Variants in GRID2 observed in about 807,000 individuals in gnomAD.
The protein encoded by GRID2 is glutamate ionotropic receptor delta type subunit 2.
A neutral mutation model predicts 114.8 loss-of-function variants in GRID2; 33 were observed. The observed-to-expected ratio is 0.29, with a 90% CI of 0.22 to 0.38. The LOEUF is 0.38. Among genes scored for constraint, GRID2 ranks in the 10% least tolerant of loss-of-function variants. GRID2 has a pLI of 1.00. For missense variants in GRID2, 1,184 were observed against 1,257.7 expected (o/e 0.94, Z 0.89); for synonymous variants, 505 against 449.9 (o/e 1.12, Z -1.55).
At chr4:93,713,583 C>T (rs1728666039) in intron 14 of GRID2, among the ~76,000 whole-genome samples, 1 of 148,662 alleles carries the variant, frequency 6.7e-6, no homozygotes, top group Non-Finnish European at 1.5e-5. Context: ...TAGGGAGGTA[C>T]ATTACAAAAA....
intron 7 of GRID2, among the ~76,000 whole-genome samples, chr4:93,225,147 G>A (rs1489393075): frequency 6.6e-6 from 1 of 152,156 alleles, no homozygotes; most frequent in Non-Finnish European, 1.5e-5. Context: ...CACTTTTTCA[G>A]TTAGATAATA....
rs151269491 is a variant in GRID2 at position 92,542,682 on chromosome 4, C to T, written c.89-47449C>T. Reference sequence around the variant, plus strand: ...AAGGCTACACATTGGGTACAGGGTACACTGCCCAGGTGATGGGTGAACCAA... The same window carrying T: ...AAGGCTACACATTGGGTACAGGGTATACTGCCCAGGTGATGGGTGAACCAA... On this transcript the variant is annotated intron_variant, in intron 1 of 15. Coordinates refer to ENST00000282020, the MANE Select transcript of GRID2 (RefSeq NM_001510.4). 1.7e-3 allele frequency among the ~76,000 whole-genome samples: 261 copies of T among 151,998 alleles called. 1 individual carries two copies. The highest frequency in any genetic ancestry group is 6.2e-3 in the African/African-American group (256 of 41,452).
intron 1 of GRID2, among the ~76,000 whole-genome samples, chr4:92,336,677 G>A (rs1383509305): frequency 1.3e-5 from 2 of 152,090 alleles, no homozygotes; most frequent in African/African-American, 2.4e-5. Flanking sequence ...GCCTCCATGG[G>A]TCTTAAGATA....
intron 2 of GRID2, among the ~76,000 whole-genome samples, chr4:92,917,785 A>T (rs112118883): frequency 2.6e-4 from 40 of 152,150 alleles, no homozygotes; most frequent in African/African-American, 8.2e-4. Flanking sequence ...AGGTAGCGTG[A>T]TGCCTCCAGC....
At position 92,997,687 on chromosome 4, in the gene GRID2, C is replaced by T. The variant is rs553619388; in HGVS notation, c.245-87308C>T. Among the ~76,000 whole-genome samples, 205 of 152,228 alleles carry T rather than the reference C, an allele frequency of 1.3e-3. 1 individual carries two copies. Among genetic ancestry groups the T allele is most frequent in the African/African-American group, 4.2e-3 (175 of 41,566 alleles). On this transcript the variant is annotated intron_variant, in intron 2 of 15. Coordinates refer to ENST00000282020, the MANE Select transcript of GRID2 (RefSeq NM_001510.4). ...GGAAACACTGAGAAAATAATTTTAT[C>T]GCTCTGATTCTCAGTTTCTTCTTTT...
chr4:92,537,784 G>GGTGTGTGTGTGTGTGTGT (rs70942907), intron 1 of GRID2, among the ~76,000 whole-genome samples: 1 of 125,934 alleles, frequency 7.9e-6, no homozygotes, highest in African/African-American at 2.8e-5. Flanking sequence ...AAAAACTTGC[G>GGTGTGTGTGTGTGTGTGT]GTGTGTGTGT....
intron 2 of GRID2, among the ~76,000 whole-genome samples, chr4:92,610,486 C>A (rs1227901136): frequency 6.6e-6 from 1 of 151,614 alleles, no homozygotes; most frequent in African/African-American, 2.4e-5. Context: ...GTAAGGATAT[C>A]CAATTCTGAG....
chr4:92,455,177 G>T (rs542790353), intron 1 of GRID2, among the ~76,000 whole-genome samples: 1 of 152,168 alleles, frequency 6.6e-6, no homozygotes, highest in South Asian at 2.1e-4. Flanking sequence ...AAATAAAAAG[G>T]ATACTTCTAA....
chr4:92,940,253 T>G (rs1365245761), intron 2 of GRID2, among the ~76,000 whole-genome samples: 4 of 147,036 alleles, frequency 2.7e-5, no homozygotes, highest in African/African-American at 9.7e-5. Context: ...GAGCAGTGAT[T>G]TGTAGTTTTT....
chr4:93,597,671 C>T (rs1430995311), intron 13 of GRID2, among the ~76,000 whole-genome samples: 4 of 152,160 alleles, frequency 2.6e-5, no homozygotes, highest in African/African-American at 9.7e-5. Flanking sequence ...CCCAGAAGTC[C>T]CAAGACACTC....
At chr4:93,627,381 A>T (rs980243501) in intron 14 of GRID2, among the ~76,000 whole-genome samples, 12 of 151,908 alleles carry the variant, frequency 7.9e-5, no homozygotes, top group South Asian at 2.1e-4. Context: ...GTTTTTTTTT[A>T]AAAGAACTAA....
At chr4:93,521,931 A>C (rs1384334345) in intron 13 of GRID2, among the ~76,000 whole-genome samples, 1 of 152,068 alleles carries the variant, frequency 6.6e-6, no homozygotes, top group Non-Finnish European at 1.5e-5. Flanking sequence ...TAATGAGAGG[A>C]GTTTCTGGAG....
At chr4:93,101,341 T>C (rs1350414160) in intron 3 of GRID2, among the ~76,000 whole-genome samples, 1 of 152,086 alleles carries the variant, frequency 6.6e-6, no homozygotes, top group East Asian at 1.9e-4. Context: ...GTCATCCTAC[T>C]GATTTATTGA....
intron 14 of GRID2, among the ~76,000 whole-genome samples, chr4:93,704,969 A>G (rs998099297): frequency 4.6e-5 from 7 of 152,110 alleles, no homozygotes; most frequent in Non-Finnish European, 7.4e-5. Flanking sequence ...GTATATACCT[A>G]GGAGTGGGGT....
chr4:92,829,028 A>G (rs1741921753), intron 2 of GRID2, among the ~76,000 whole-genome samples: 1 of 152,066 alleles, frequency 6.6e-6, no homozygotes. Context: ...ATTAGATCCC[A>G]TTTGTCAATT....
chr4:92,323,210 T>C (rs1726410958), intron 1 of GRID2, among the ~76,000 whole-genome samples: 1 of 152,158 alleles, frequency 6.6e-6, no homozygotes. Flanking sequence ...TTTTATTTTT[T>C]ACAGAACTCT....
chr4:92,373,901 C>T (rs1340641136), intron 1 of GRID2, among the ~76,000 whole-genome samples: 1 of 152,098 alleles, frequency 6.6e-6, no homozygotes, highest in African/African-American at 2.4e-5. Flanking sequence ...AAAGGTCATA[C>T]AGCTAGTAAG....
chr4:93,149,158 C>T (rs891213041), intron 4 of GRID2, among the ~76,000 whole-genome samples: 3 of 152,088 alleles, frequency 2.0e-5, no homozygotes, highest in African/African-American at 7.2e-5. Flanking sequence ...ACAAACACTG[C>T]TTATATAATA....
chr4:92,769,258 A>G (rs1395602909), intron 2 of GRID2, among the ~76,000 whole-genome samples: 1 of 152,174 alleles, frequency 6.6e-6, no homozygotes, highest in Non-Finnish European at 1.5e-5. Context: ...CATGTCTCAC[A>G]TCCAGGTCAT....
Sources: allele counts gnomAD v4.1 joint callset (sites outside exome capture counted in the v4.1 genomes callset), GRCh38; gene constraint gnomAD v4.1.1; transcripts MANE v1.5; gene names NCBI Gene and HGNC (gene_info 2026-07-23, HGNC 2026-07-21).